EPHA6: variants seen among roughly 807,000 people sequenced by gnomAD.
The protein encoded by EPHA6 is EPH receptor A6.
In EPHA6, 50 loss-of-function variants were observed where a neutral mutation model predicts 112.0. The observed-to-expected ratio is 0.45, with a 90% confidence interval of 0.36 to 0.56. The LOEUF (loss-of-function observed/expected upper bound fraction) is 0.56, where lower values mean the gene tolerates loss of function less well. Ranked by LOEUF, EPHA6 falls within the 20% of genes least tolerant of loss-of-function variation. EPHA6 has a pLI of 0.00. For synonymous variants in EPHA6, 529 were observed against 490.7 expected (o/e 1.08, Z -1.03); for missense variants, 1,280 against 1,417.4 (o/e 0.90, Z 1.56).
intron 14 of EPHA6, among the ~76,000 whole-genome samples, chr3:97,639,582 A>G (rs573484074): frequency 2.0e-5 from 3 of 152,288 alleles, no homozygotes; most frequent in Admixed American, 6.5e-5. Context: ...CAGTAAGCCT[A>G]TATAAATAGA....
intron 5 of EPHA6, among the ~76,000 whole-genome samples, chr3:97,362,309 A>G (rs999168939): frequency 1.2e-4 from 19 of 152,252 alleles, no homozygotes; most frequent in Non-Finnish European, 2.8e-4. Context: ...GAGCATGCGC[A>G]CATGTGAATT....
chr3:96,934,772 A>G (rs2040496410), intron 2 of EPHA6, among the ~76,000 whole-genome samples: 1 of 151,688 alleles, frequency 6.6e-6, no homozygotes, highest in Non-Finnish European at 1.5e-5. Flanking sequence ...CAAATTAAGT[A>G]CCATAAAATA....
intron 11 of EPHA6, among the ~76,000 whole-genome samples, chr3:97,591,101 A>G (rs925372395): frequency 1.3e-5 from 2 of 152,202 alleles, no homozygotes; most frequent in Non-Finnish European, 2.9e-5. Flanking sequence ...ACAGAACCCT[A>G]CACTAAGGCC....
At chr3:96,952,345 G>A (rs1009320210) in intron 2 of EPHA6, among the ~76,000 whole-genome samples, 2 of 152,124 alleles carry the variant, frequency 1.3e-5, no homozygotes, top group Middle Eastern at 6.3e-3. Flanking sequence ...TGAGGTGGTA[G>A]GGCCTTTAAG....
chr3:96,909,197 G>T (rs2039089221), intron 2 of EPHA6, among the ~76,000 whole-genome samples: 2 of 151,808 alleles, frequency 1.3e-5, no homozygotes, highest in African/African-American at 4.8e-5. Context: ...TAACTTCCTA[G>T]AGAATTTGTT....
intron 14 of EPHA6, among the ~76,000 whole-genome samples, chr3:97,641,488 G>C (rs560206745): frequency 2.0e-5 from 3 of 152,194 alleles, no homozygotes; most frequent in Non-Finnish European, 2.9e-5. Context: ...CAGCGTGAGC[G>C]ACGCAGAAGA....
At chr3:97,072,893 G>C (rs56388155) in intron 3 of EPHA6, among the ~76,000 whole-genome samples, 12,964 of 152,082 alleles carry the variant, frequency 0.085, 886 homozygotes, top group Admixed American at 0.21. Context: ...GTACCAGTCA[G>C]CAATTAAATT....
chr3:96,887,143 G>A (rs899890539), intron 2 of EPHA6, among the ~76,000 whole-genome samples: 2 of 151,974 alleles, frequency 1.3e-5, no homozygotes, highest in Admixed American at 1.3e-4. Flanking sequence ...GATTTGGTTG[G>A]GGGGGCGAGG....
At chr3:96,864,755 A>T (rs951453005) in intron 1 of EPHA6, among the ~76,000 whole-genome samples, 1 of 152,070 alleles carries the variant, frequency 6.6e-6, no homozygotes, top group Non-Finnish European at 1.5e-5. Context: ...TAAAAAAAAC[A>T]CTTAAACAGG....
At chr3:97,421,016 G>T (rs2088579895) in intron 6 of EPHA6, among the ~76,000 whole-genome samples, 1 of 151,878 alleles carries the variant, frequency 6.6e-6, no homozygotes, top group Non-Finnish European at 1.5e-5. Flanking sequence ...CTATTCTTGG[G>T]TATTATTCTC....
intron 1 of EPHA6, among the ~76,000 whole-genome samples, chr3:96,829,254 C>G (rs533334668): frequency 4.7e-4 from 71 of 152,184 alleles, no homozygotes; most frequent in African/African-American, 1.6e-3. Context: ...TGTTTGGAAA[C>G]TTAAAAGGGA....
chr3:97,511,041 C>T (rs956361883), intron 10 of EPHA6, among the ~76,000 whole-genome samples: 1 of 152,174 alleles, frequency 6.6e-6, no homozygotes, highest in Non-Finnish European at 1.5e-5. Flanking sequence ...CCCTCCCCCC[C>T]ACCAAGCTGG....
chr3:97,645,807 G>A (rs1004578137), intron 14 of EPHA6, among the ~76,000 whole-genome samples: 5 of 151,826 alleles, frequency 3.3e-5, no homozygotes, highest in South Asian at 2.1e-4. Context: ...TTCTTTGAAC[G>A]TATATTTTAC....
intron 9 of EPHA6, among the ~76,000 whole-genome samples, chr3:97,481,704 C>G (rs965557596): frequency 6.6e-6 from 1 of 152,134 alleles, no homozygotes; most frequent in Non-Finnish European, 1.5e-5. Context: ...CGGCCCCGCC[C>G]CCTGTGAGGA....
At chr3:96,831,350 C>G (rs1433855145) in intron 1 of EPHA6, among the ~76,000 whole-genome samples, 1 of 152,040 alleles carries the variant, frequency 6.6e-6, no homozygotes. Flanking sequence ...GAGTCATCAG[C>G]CCCTGATCCT....
intron 2 of EPHA6, among the ~76,000 whole-genome samples, chr3:96,928,574 A>T (rs149972713): frequency 0.011 from 1,599 of 152,224 alleles, 13 homozygotes; most frequent in Non-Finnish European, 0.017. Context: ...CCGTGCGGTG[A>T]TGAGAAGAAT....
chr3:97,639,342 C>T (rs1302627110), intron 14 of EPHA6, among the ~76,000 whole-genome samples: 1 of 151,838 alleles, frequency 6.6e-6, no homozygotes, highest in African/African-American at 2.4e-5. Context: ...TTTCATTTTT[C>T]TCAAGGCCTT....
intron 2 of EPHA6, among the ~76,000 whole-genome samples, chr3:96,906,108 A>G (rs748708361): frequency 2.6e-5 from 4 of 152,024 alleles, no homozygotes; most frequent in Non-Finnish European, 4.4e-5. Context: ...TAAATTACCA[A>G]ATATGTTCTT....
chr3:97,354,840 G>A (rs2083987318), intron 5 of EPHA6, among the ~76,000 whole-genome samples: 1 of 152,110 alleles, frequency 6.6e-6, no homozygotes, highest in African/African-American at 2.4e-5. Flanking sequence ...TGAGGATAAA[G>A]AACAGATTCT....
Sources: allele counts gnomAD v4.1 joint callset (sites outside exome capture counted in the v4.1 genomes callset), GRCh38; gene constraint gnomAD v4.1.1; transcripts MANE v1.5; gene names NCBI Gene and HGNC (gene_info 2026-07-23, HGNC 2026-07-21).